CFTR: variants seen among roughly 807,000 people sequenced by gnomAD.
The protein encoded by CFTR is CF transmembrane conductance regulator.
Under a neutral mutation model 171.6 loss-of-function variants are expected in CFTR, and 181 were observed. The observed-to-expected ratio is 1.05, with a 90% CI of 0.93 to 1.19. CFTR has a LOEUF of 1.19. Ranked by LOEUF, CFTR falls within the 50% of genes most tolerant of loss-of-function variation. The pLI is 0.00. For synonymous variants in CFTR, 583 were observed against 608.0 expected, an observed-to-expected ratio of 0.96 and a Z score of 0.60; for missense variants, 1,968 against 1,734.7, an observed-to-expected ratio of 1.13 and a Z score of -2.39.
chr7:117,520,411 T>C (rs1473775528), intron 3 of CFTR, among the ~76,000 whole-genome samples: 1 of 151,878 alleles, frequency 6.6e-6, no homozygotes, highest in Non-Finnish European at 1.5e-5. Context: ...CATGCATCTA[T>C]GTTTTTATTA....
chr7:117,574,272 CA>C (rs1791740441), intron 11 of CFTR, among the ~76,000 whole-genome samples: 1 of 151,960 alleles, frequency 6.6e-6, no homozygotes, highest in Admixed American at 6.6e-5. Flanking sequence ...GTAATCAGAA[CA>C]GGTACAGACA....
chr7:117,578,952 G>A (rs1000373606), intron 11 of CFTR, among the ~76,000 whole-genome samples: 2 of 151,674 alleles, frequency 1.3e-5, no homozygotes, highest in South Asian at 4.2e-4. Context: ...TTCTTTCAAA[G>A]TCATACTTCA....
chr7:117,655,461 G>A (rs767434727), intron 24 of CFTR, among the ~76,000 whole-genome samples: 70 of 152,052 alleles, frequency 4.6e-4, no homozygotes, highest in Admixed American at 2.9e-3. Flanking sequence ...GGCCTTTACC[G>A]TCCATATTTC....
At position 117,606,701 on chromosome 7, in the gene CFTR, A is replaced by C. The variant is rs397508462; in HGVS notation, c.2936A>C (p.Asp979Ala). The change falls in exon 18 of 27, where the codon GAT becomes GCT. Residue 979 changes from aspartate (D) to alanine (A), a missense_variant. Coordinates refer to ENST00000003084, the MANE Select transcript of CFTR (RefSeq NM_000492.4). ...GGGATTCTTAATAGATTCTCCAAAG[A>C]TATAGCAATTTTGGATGACCTTCTG... ...AGGILNRFSK[D>A]IAILDDLLPL... is the part of the protein sequence containing the mutation. 8.8e-6 allele frequency: 14 copies of C among 1,591,906 alleles called. No individual in the cohort carries two copies. The East Asian group carries it at 2.9e-4, about 33-fold the overall frequency.
intron 3 of CFTR, among the ~76,000 whole-genome samples, chr7:117,521,662 G>A (rs1362213083): frequency 6.6e-6 from 1 of 152,118 alleles, no homozygotes; most frequent in Non-Finnish European, 1.5e-5. Flanking sequence ...TGATAATGGT[G>A]ATTTTATTAA....
At chr7:117,522,042 A>G (rs1798692947) in intron 3 of CFTR, among the ~76,000 whole-genome samples, 1 of 152,200 alleles carries the variant, frequency 6.6e-6, no homozygotes, top group Non-Finnish European at 1.5e-5. Context: ...TAGAAGATAT[A>G]GGAGACATTT....
intron 10 of CFTR, among the ~76,000 whole-genome samples, chr7:117,556,838 T>A (rs1000968232): frequency 1.3e-5 from 2 of 152,102 alleles, no homozygotes; most frequent in Admixed American, 6.5e-5. Context: ...TCTTATATCG[T>A]ATTTTTGCAA....
intron 11 of CFTR, among the ~76,000 whole-genome samples, chr7:117,575,552 A>C (rs1791757665): frequency 6.6e-6 from 1 of 152,132 alleles, no homozygotes; most frequent in South Asian, 2.1e-4. Context: ...CTTGCACGTG[A>C]ATGAATGAGT....
intron 19 of CFTR, 140 bp downstream of exon 19, chr7:117,610,809 G>A (rs2057343476): frequency 3.6e-6 from 3 of 829,796 alleles, no homozygotes; most frequent in Non-Finnish European, 5.7e-6. Flanking sequence ...CTACATGCAT[G>A]TGTATATAAA....
chr7:117,501,747 C>CAAAAAAAAAAAAAAAAAAAAAAAGAAAAA (rs1798330251), intron 1 of CFTR, among the ~76,000 whole-genome samples: 2 of 43,902 alleles, frequency 4.6e-5, no homozygotes, highest in African/African-American at 6.7e-5. Context: ...AACTCTGTCT[C>CAAAAAAAAAAAAAAAAAAAAAAAGAAAAA]AAAAAAAAAA....
At chr7:117,560,229 T>C (rs1165889948) in intron 11 of CFTR, among the ~76,000 whole-genome samples, 1 of 152,114 alleles carries the variant, frequency 6.6e-6, no homozygotes, top group East Asian at 1.9e-4. Context: ...ATGTCATTAC[T>C]CATTTCACAA....
At chr7:117,565,476 C>T (rs1584800975) in intron 11 of CFTR, among the ~76,000 whole-genome samples, 2 of 151,972 alleles carry the variant, frequency 1.3e-5, no homozygotes, top group East Asian at 3.9e-4. Context: ...CCCAGCAACT[C>T]ACTGTTTTGT....
At position 117,534,261 on chromosome 7, in the gene CFTR, C is replaced by T. The variant is rs2157735; in HGVS notation, c.490-15C>T. ...TTGTTTGTTGAAATTATCTAACTTT[C>T]CATTTTTCTTTTAGACTTTAAAGCT... On this transcript the variant is annotated splice_polypyrimidine_tract_variant and intron_variant, in intron 4 of 26. Coordinates refer to ENST00000003084, the MANE Select transcript of CFTR (RefSeq NM_000492.4). 3.9e-6 allele frequency: 5 copies of T among 1,286,788 alleles called. No individual in the cohort carries two copies. Among genetic ancestry groups the T allele is most frequent in the Non-Finnish European group, 5.7e-6 (5 of 884,036 alleles). 79.7% of individuals were successfully genotyped at this position (1,286,788 alleles called of 1,614,324 possible).
At chr7:117,661,440 T>A (rs1584847282) in intron 24 of CFTR, among the ~76,000 whole-genome samples, 1 of 152,226 alleles carries the variant, frequency 6.6e-6, no homozygotes, top group African/African-American at 2.4e-5. Flanking sequence ...TTGCCACAAG[T>A]GCAAAGTCTA....
chr7:117,542,676 A>G lies in CFTR; in HGVS notation c.1209+568A>G, dbSNP rs781590079. Among the ~76,000 whole-genome samples the G allele has an allele frequency of 7.2e-5, 11 of 152,232 alleles. No individual in the cohort carries two copies. The highest frequency in any genetic ancestry group is 1.2e-4 in the Non-Finnish European group (8 of 68,038). On this transcript the variant is annotated intron_variant, in intron 9 of 26. Coordinates refer to ENST00000003084, the MANE Select transcript of CFTR (RefSeq NM_000492.4). ...CAGATCAGGAAATAATACAGAGATC[A>G]TAAGTTTTGGAGCTGGGTTTGAATC...
intron 2 of CFTR, among the ~76,000 whole-genome samples, chr7:117,504,756 T>TAAAAAAA (rs372341779): frequency 8.3e-6 from 1 of 121,126 alleles, no homozygotes; most frequent in Non-Finnish European, 1.8e-5. Flanking sequence ...CCTCTCTCTC[T>TAAAAAAA]AAAAAAAAAA....
At chr7:117,656,146 C>T (rs576645835) in intron 24 of CFTR, among the ~76,000 whole-genome samples, 17 of 152,208 alleles carry the variant, frequency 1.1e-4, no homozygotes, top group African/African-American at 1.4e-4. Context: ...GAGACCTAGG[C>T]GACTCCACTA....
chr7:117,507,257 C>G (rs1290982229), intron 2 of CFTR, among the ~76,000 whole-genome samples: 1 of 152,186 alleles, frequency 6.6e-6, no homozygotes, highest in African/African-American at 2.4e-5. Flanking sequence ...CTTGCCTTCT[C>G]CTCAGGTAAC....
intron 23 of CFTR, among the ~76,000 whole-genome samples, chr7:117,645,340 A>G (rs1472039534): frequency 6.6e-6 from 1 of 152,196 alleles, no homozygotes; most frequent in East Asian, 1.9e-4. Context: ...TGAGGTCCCA[A>G]TCCAACCTAT....
Sources: allele counts gnomAD v4.1 joint callset (sites outside exome capture counted in the v4.1 genomes callset), GRCh38; gene constraint gnomAD v4.1.1; transcripts MANE v1.5; gene names NCBI Gene and HGNC (gene_info 2026-07-23, HGNC 2026-07-21).